The following GRM5 variants were observed in gnomAD, a reference collection of about 807,000 sequenced individuals.
GRM5 encodes the protein glutamate metabotropic receptor 5.
In GRM5, 19 loss-of-function variants were observed where a neutral mutation model predicts 83.1. That is an observed-to-expected ratio of 0.23 (90% CI 0.16 to 0.34). The LOEUF (loss-of-function observed/expected upper bound fraction) is 0.34. Among genes scored for constraint, GRM5 ranks in the 10% least tolerant of loss-of-function variants. GRM5 has a pLI of 1.00. For synonymous variants in GRM5, 675 were observed against 633.6 expected (o/e 1.07, Z -0.98); for missense variants, 1,160 against 1,588.3 (o/e 0.73, Z 4.58).
chr11:88,640,838 T>C (rs1288259881), intron 4 of GRM5, among the ~76,000 whole-genome samples: 1 of 152,136 alleles, frequency 6.6e-6, no homozygotes, highest in East Asian at 1.9e-4. Flanking sequence ...CTCAGGAACC[T>C]CCATTAGTTC....
chr11:88,928,480 A>T (rs867026100), intron 2 of GRM5, among the ~76,000 whole-genome samples: 1 of 10,210 alleles, frequency 9.8e-5, no homozygotes, highest in African/African-American at 1.7e-4. Flanking sequence ...ATATATATAT[A>T]TATGTATATA....
At chr11:88,932,299 CTTATG>C (rs1937739028) in intron 2 of GRM5, among the ~76,000 whole-genome samples, 1 of 151,976 alleles carries the variant, frequency 6.6e-6, no homozygotes, top group African/African-American at 2.4e-5. Context: ...TAAAAAGAAT[CTTATG>C]TTAGTATATA....
intron 2 of GRM5, among the ~76,000 whole-genome samples, chr11:88,983,637 A>G (rs551951981): frequency 3.3e-4 from 51 of 152,284 alleles, no homozygotes; most frequent in Non-Finnish European, 4.0e-4. Context: ...ATGACAATAA[A>G]TCACTATGTT....
At chr11:89,011,231 T>C (rs1940689081) in intron 2 of GRM5, among the ~76,000 whole-genome samples, 1 of 152,212 alleles carries the variant, frequency 6.6e-6, no homozygotes, top group Non-Finnish European at 1.5e-5. Flanking sequence ...CTGTAATTCT[T>C]CATGAGCTTT....
chr11:88,509,364 G>T lies in GRM5; in HGVS notation c.2867C>A (p.Thr956Lys), dbSNP rs1193446284. 3.1e-6 allele frequency: 5 copies of T among 1,611,520 alleles called. No individual in the cohort carries two copies. The Admixed American group carries it at 8.3e-5, about 27-fold the overall frequency. The change falls in exon 10 of 10, where the codon ACG (threonine) becomes AAG (lysine). Residue 956 changes from threonine to lysine, a missense_variant. Physicochemically the swap from Thr to Lys is moderately conservative, Grantham distance 78. This residue lies in a region of GRM5 where 562 missense variants were observed against 532.4 expected (regional missense o/e 1.06). Transcript: ENST00000305447. ...TAVIKPFPKSTESRGLGAGAG... is the reference protein window; with the variant it reads ...TAVIKPFPKSKESRGLGAGAG... ...GCCAGCGCCCAGGCCACGGCTCTCC[G>T]TGCTCTTGGGGAAGGGCTTGATGAC...
chr11:88,784,984 T>A (rs1943038380), intron 3 of GRM5, among the ~76,000 whole-genome samples: 1 of 152,160 alleles, frequency 6.6e-6, no homozygotes, highest in Non-Finnish European at 1.5e-5. Flanking sequence ...TTGAAATCAT[T>A]CCCAAGAGAT....
chr11:89,009,767 AGCGGGCGCCT>A lies in GRM5; in HGVS notation c.661+37435_661+37444del, dbSNP rs1565333677. Among the ~76,000 whole-genome samples, 6 of 150,798 alleles carry A rather than the reference AGCGGGCGCCT, an allele frequency of 4.0e-5. No homozygotes were observed. In the East Asian group the frequency reaches 1.2e-3, roughly 29 times the overall value. ...ATACAAAAAATTAGCCGGGCGTGGTAGCGGGCGCCTGTAGTCCCAGCTACTCGGGAGGCTG... is the reference window on the plus strand; with the variant it reads ...ATACAAAAAATTAGCCGGGCGTGGTAGTAGTCCCAGCTACTCGGGAGGCTG... On this transcript the variant is annotated intron_variant, in intron 2 of 9. Coordinates refer to ENST00000305447, the MANE Select transcript of GRM5 (RefSeq NM_001143831.3).
At chr11:88,617,938 A>G (rs1027603435) in intron 4 of GRM5, among the ~76,000 whole-genome samples, 7 of 152,150 alleles carry the variant, frequency 4.6e-5, no homozygotes, top group Admixed American at 3.3e-4. Context: ...GAGTGCTAAG[A>G]AAGTAGTCCT....
chr11:88,928,562 C>T (rs1023702506), intron 2 of GRM5, among the ~76,000 whole-genome samples: 11 of 151,314 alleles, frequency 7.3e-5, no homozygotes, highest in African/African-American at 2.7e-4. Flanking sequence ...AACACAAAAG[C>T]ATTTTAAAAT....
At chr11:88,818,098 A>G (rs1423843935) in intron 3 of GRM5, among the ~76,000 whole-genome samples, 1 of 152,100 alleles carries the variant, frequency 6.6e-6, no homozygotes, top group Non-Finnish European at 1.5e-5. Context: ...TAAAATATAA[A>G]CATAAAAAAC....
At chr11:88,715,807 G>GGAAAGA (rs1565198463) in intron 3 of GRM5, among the ~76,000 whole-genome samples, 1 of 151,974 alleles carries the variant, frequency 6.6e-6, no homozygotes, top group African/African-American at 2.4e-5. Context: ...TATTTTCGGT[G>GGAAAGA]GAAAGAAGAA....
intron 2 of GRM5, among the ~76,000 whole-genome samples, chr11:88,970,931 T>G (rs542955406): frequency 6.6e-6 from 1 of 152,278 alleles, no homozygotes; most frequent in East Asian, 1.9e-4. Flanking sequence ...TTTTACCTTC[T>G]TCCTTTCCCT....
chr11:88,718,185 C>G (rs1350052278), intron 3 of GRM5, among the ~76,000 whole-genome samples: 1 of 151,884 alleles, frequency 6.6e-6, no homozygotes, highest in Non-Finnish European at 1.5e-5. Context: ...AGGTACTATA[C>G]TCTTTCACAA....
At chr11:88,923,829 C>T (rs115944914) in intron 2 of GRM5, among the ~76,000 whole-genome samples, 5,923 of 137,546 alleles carry the variant, frequency 0.043, 203 homozygotes, top group African/African-American at 0.088. Context: ...TATATATATT[C>T]GTATACCTGA....
intron 2 of GRM5, among the ~76,000 whole-genome samples, chr11:89,022,134 A>G (rs1676395501): frequency 6.6e-6 from 1 of 152,086 alleles, no homozygotes. Flanking sequence ...AACTAAACAC[A>G]TGCCTGGACT....
At chr11:88,801,266 C>T (rs1943388190) in intron 3 of GRM5, among the ~76,000 whole-genome samples, 1 of 152,060 alleles carries the variant, frequency 6.6e-6, no homozygotes, top group Non-Finnish European at 1.5e-5. Flanking sequence ...GGATTTGTTC[C>T]TATATGTCTC....
chr11:88,803,475 C>A (rs1236742130), intron 3 of GRM5, among the ~76,000 whole-genome samples: 1 of 151,406 alleles, frequency 6.6e-6, no homozygotes, highest in East Asian at 1.9e-4. Context: ...GGAAAACTGG[C>A]TAGCCATATG....
rs1020070393 is a variant in GRM5 at position 88,991,853 on chromosome 11, A to C, written c.661+55359T>G. On this transcript the variant is annotated intron_variant, in intron 2 of 9. Transcript: ENST00000305447. ...AGATCCCTTCCTTACACCTTATACAAAAATCAATTCAAGATGGATTAAAGA... is the reference window on the plus strand; with the variant it reads ...AGATCCCTTCCTTACACCTTATACACAAATCAATTCAAGATGGATTAAAGA... Among the ~76,000 whole-genome samples, 536 of 152,224 alleles carry C rather than the reference A, an allele frequency of 3.5e-3. 4 individuals carry two copies. Among genetic ancestry groups the C allele is most frequent in the Admixed American group, 5.1e-3 (78 of 15,296 alleles).
chr11:88,932,397 A>C (rs1937746046), intron 2 of GRM5, among the ~76,000 whole-genome samples: 1 of 152,028 alleles, frequency 6.6e-6, no homozygotes, highest in Non-Finnish European at 1.5e-5. Flanking sequence ...ATAACACACT[A>C]TGCAGCTATC....
Sources: allele counts gnomAD v4.1 joint callset (sites outside exome capture counted in the v4.1 genomes callset), GRCh38; gene constraint gnomAD v4.1.1; regional missense constraint gnomAD v4.1.1; transcripts MANE v1.5; gene names NCBI Gene and HGNC (gene_info 2026-07-23, HGNC 2026-07-21).